Variants in NTSR1 observed in about 807,000 individuals in gnomAD.
NTSR1 encodes the protein neurotensin receptor type 1.
In NTSR1, 29 loss-of-function variants were observed where a neutral mutation model predicts 31.2. The ratio of observed to expected loss-of-function variants is 0.93; its 90% confidence interval spans 0.69 to 1.27. The LOEUF (loss-of-function observed/expected upper bound fraction) is 1.27. Among genes scored for constraint, NTSR1 ranks in the 50% most tolerant of loss-of-function variants. The pLI is 0.00. For missense variants in NTSR1, 697 were observed against 595.4 expected (o/e 1.17, Z -1.78); for synonymous variants, 282 against 269.9 (o/e 1.04, Z -0.44).
At position 62,709,453 on chromosome 20, in the gene NTSR1, G is replaced by C. The variant is rs761286076; in HGVS notation, c.246G>C (p.Thr82=). The C allele has an allele frequency of 1.2e-6, 2 of 1,612,428 alleles. No individual in the cohort carries two copies. Among genetic ancestry groups the C allele is most frequent in the Non-Finnish European group, 1.7e-6 (2 of 1,179,796 alleles). The change falls in exon 1 of 4, where the codon ACG becomes ACC. Residue 82 remains threonine, a synonymous_variant. Transcript: ENST00000370501. ...TCGTGGTGGGCACGGTGGGCAACAC[G>C]GTGACGGCGTTCACGCTGGCGCGGA... The part of the protein sequence containing the change: ...ALFVVGTVGN[T]VTAFTLARKK...
chr20:62,736,761 ATG>A (rs1344564426), intron 1 of NTSR1, among the ~76,000 whole-genome samples: 1 of 152,096 alleles, frequency 6.6e-6, no homozygotes, highest in African/African-American at 2.4e-5. Flanking sequence ...TTACTTCGTG[ATG>A]TGTTTGGCTG....
At chr20:62,713,264 A>G (rs1000809590) in intron 1 of NTSR1, among the ~76,000 whole-genome samples, 1 of 152,230 alleles carries the variant, frequency 6.6e-6, no homozygotes, top group Non-Finnish European at 1.5e-5. Context: ...GAGTACAAAC[A>G]GCAGTGCTCT....
In NTSR1 at chr20:62,727,206, C is replaced by T. The variant is rs142508064; in HGVS notation, c.714+17285C>T. ...CCGTGAGGGCTCCGCACTGCCCCCACCCTGAGCCGGGCTCCTGCAGGCTCC... is the reference window on the plus strand; with the variant it reads ...CCGTGAGGGCTCCGCACTGCCCCCATCCTGAGCCGGGCTCCTGCAGGCTCC... On this transcript the variant is annotated intron_variant, in intron 1 of 3. Coordinates refer to ENST00000370501, the MANE Select transcript of NTSR1 (RefSeq NM_002531.3). Among the ~76,000 whole-genome samples the T allele has an allele frequency of 1.3e-4, 20 of 152,332 alleles. 1 individual carries two copies. Among genetic ancestry groups the T allele is most frequent in the Admixed American group, 4.6e-4 (7 of 15,300 alleles).
chr20:62,754,920 G>A, intron 2 of NTSR1, 34 bp downstream of exon 2: 1 of 1,541,354 alleles, frequency 6.5e-7, no homozygotes, highest in African/African-American at 1.4e-5. Flanking sequence ...GGGGCGGGAG[G>A]CAGGCCAGGG....
rs1988571621 is a variant in NTSR1, at chr20:62,709,867, C to T, written c.660C>T (p.Gly220=). ...GCAGCGCCGACGGCCAGCACGCCGGCGGCCTGGTGTGCACCCCCACCATCC... is the reference window on the plus strand; with the variant it reads ...GCAGCGCCGACGGCCAGCACGCCGGTGGCCTGGTGTGCACCCCCACCATCC... ...QNRSADGQHA[G]GLVCTPTIHT... Residue 220 remains glycine, a synonymous_variant, in exon 1 of 4, where the codon GGC becomes GGT. Coordinates refer to ENST00000370501, the MANE Select transcript of NTSR1 (RefSeq NM_002531.3). 3.1e-6 allele frequency: 5 copies of T among 1,607,118 alleles called. No individual in the cohort carries two copies. Among genetic ancestry groups the T allele is most frequent in the Middle Eastern group, 1.7e-4 (1 of 6,042 alleles).
At chr20:62,736,263 T>C (rs932066501) in intron 1 of NTSR1, among the ~76,000 whole-genome samples, 14 of 152,186 alleles carry the variant, frequency 9.2e-5, no homozygotes, top group African/African-American at 3.4e-4. Context: ...TTTCCCTGTC[T>C]GGGTCTGGGG....
Position 62,744,713 on chromosome 20 carries a change from G to A in NTSR1, c.715-9972G>A, listed in dbSNP as rs147153432. Among the ~76,000 whole-genome samples, 13 of 152,088 alleles carry A rather than the reference G, an allele frequency of 8.5e-5. No homozygotes were observed. In the East Asian group the frequency reaches 2.3e-3, roughly 27 times the overall value. ...CTGCACTCCAGCCTGGGCAACAAGAGCAAAGCTCAGTCTCACAAAAAAAAA... is the reference window on the plus strand; with the variant it reads ...CTGCACTCCAGCCTGGGCAACAAGAACAAAGCTCAGTCTCACAAAAAAAAA... On this transcript the variant is annotated intron_variant, in intron 1 of 3. Transcript: ENST00000370501. This position sits in a 1 kb window ranked among gnomAD's most constrained non-coding sequence, Gnocchi z 4.1.
In NTSR1 at chr20:62,745,851, G is replaced by A. The variant is rs1989290913; in HGVS notation, c.715-8834G>A. Among the ~76,000 whole-genome samples the A allele has an allele frequency of 1.3e-5, 2 of 152,184 alleles. No individual in the cohort carries two copies. Among genetic ancestry groups the A allele is most frequent in the Admixed American group, 6.5e-5 (1 of 15,280 alleles). On this transcript the variant is annotated intron_variant, in intron 1 of 3. Transcript: ENST00000370501. The surrounding 1 kb of genome is among the most constrained non-coding windows in gnomAD (Gnocchi z 4.1). ...GCGGTCTGGGAGTCCCAGCCACCAC[G>A]CGTCCCCCAGAATATTCATGGGGCT...
chr20:62,720,341 A>G (rs1166139237), intron 1 of NTSR1, among the ~76,000 whole-genome samples: 2 of 152,218 alleles, frequency 1.3e-5, no homozygotes, highest in African/African-American at 4.8e-5. Context: ...TATTCAGGTT[A>G]TATATTTCTC....
At chr20:62,735,882 GAAC>G (rs1361437895) in intron 1 of NTSR1, among the ~76,000 whole-genome samples, 1 of 152,214 alleles carries the variant, frequency 6.6e-6, no homozygotes, top group Non-Finnish European at 1.5e-5. Context: ...GAGTTGCCAA[GAAC>G]AGTTCCCCTT....
chr20:62,727,103 C>T (rs919591781), intron 1 of NTSR1, among the ~76,000 whole-genome samples: 1 of 152,180 alleles, frequency 6.6e-6, no homozygotes, highest in African/African-American at 2.4e-5. Flanking sequence ...CTGGAGTCCC[C>T]GAGAGACCGC....
intron 1 of NTSR1, among the ~76,000 whole-genome samples, chr20:62,712,405 C>A (rs540084531): frequency 6.6e-6 from 1 of 152,240 alleles, no homozygotes; most frequent in East Asian, 1.9e-4. Flanking sequence ...TCCTTTCCTG[C>A]CCCAGCGTCT....
intron 1 of NTSR1, among the ~76,000 whole-genome samples, chr20:62,731,107 G>A (rs148580706): frequency 0.012 from 1,776 of 151,852 alleles, 22 homozygotes; most frequent in African/African-American, 0.034. Context: ...TTTTTGAGAC[G>A]GAGTTTCGCT....
Position 62,709,441 on chromosome 20 carries a change from G to A in NTSR1, c.234G>A (p.Thr78=). Residue 78 remains threonine, a synonymous_variant, in exon 1 of 4, where the codon ACG becomes ACA. Transcript: ENST00000370501. ...AVYLALFVVG[T]VGNTVTAFTL... is the part of the protein sequence containing the mutation. Reference sequence around the variant, plus strand: ...ACCTGGCGCTCTTCGTGGTGGGCACGGTGGGCAACACGGTGACGGCGTTCA... The same window carrying A: ...ACCTGGCGCTCTTCGTGGTGGGCACAGTGGGCAACACGGTGACGGCGTTCA... The A allele has an allele frequency of 1.2e-6, 2 of 1,612,432 alleles. No individual in the cohort carries two copies. The highest frequency in any genetic ancestry group is 4.5e-5 in the East Asian group (2 of 44,852).
chr20:62,712,508 T>G (rs1988635829), intron 1 of NTSR1, among the ~76,000 whole-genome samples: 1 of 152,186 alleles, frequency 6.6e-6, no homozygotes, highest in Admixed American at 6.5e-5. Flanking sequence ...CTTACAATAA[T>G]CCTCCCTGAA....
chr20:62,748,471 A>C (rs1219164510), intron 1 of NTSR1, among the ~76,000 whole-genome samples: 2 of 152,238 alleles, frequency 1.3e-5, no homozygotes, highest in African/African-American at 4.8e-5. Flanking sequence ...CAAATAGTCA[A>C]AGCAACATTA....
At position 62,754,871 on chromosome 20, in the gene NTSR1, G is replaced by C. The variant is rs148569146; in HGVS notation, c.901G>C (p.Gly301Arg). 869 of 1,601,576 alleles carry C rather than the reference G, an allele frequency of 5.4e-4. 10 individuals are homozygous for C. Among genetic ancestry groups the C allele is most frequent in the Non-Finnish European group, 5.5e-5 (65 of 1,178,050 alleles). ...EPGRVQALRH[G>R]VRVLRAVVIA... ...TGGCAGGGTCCAGGCCCTGCGGCAC[G>C]GCGTGCGCGTCCTACGTACGTAACC... The change falls in exon 2 of 4, where the codon GGC (glycine) becomes CGC (arginine). Residue 301 changes from glycine (G) to arginine (R), a missense_variant. Coordinates refer to ENST00000370501, the MANE Select transcript of NTSR1 (RefSeq NM_002531.3).
chr20:62,727,383 G>A (rs1472772348), intron 1 of NTSR1, among the ~76,000 whole-genome samples: 6 of 152,238 alleles, frequency 3.9e-5, no homozygotes, highest in Non-Finnish European at 5.9e-5. Flanking sequence ...AGGAACAGGT[G>A]AGCTGGAGTG....
At chr20:62,751,722 G>A (rs1989396970) in intron 1 of NTSR1, among the ~76,000 whole-genome samples, 1 of 152,220 alleles carries the variant, frequency 6.6e-6, no homozygotes, top group Non-Finnish European at 1.5e-5. Context: ...GTGTTGATTG[G>A]CCAGGTCTGG....
Sources: gnomAD v4.1 joint callset for allele counts (sites outside exome capture counted in the v4.1 genomes callset) on GRCh38, gnomAD v4.1.1 for gene constraint, Gnocchi (gnomAD v3.1) non-coding constraint, MANE v1.5 for transcripts, NCBI Gene and HGNC (gene_info 2026-07-23, HGNC 2026-07-21) for gene names.